The following PRELID2 variants were observed in gnomAD, a reference collection of about 807,000 sequenced individuals.
The protein encoded by PRELID2 is PRELI domain-containing protein 2.
In PRELID2, 25 loss-of-function variants were observed where a neutral mutation model predicts 28.4. The ratio of observed to expected loss-of-function variants is 0.88; its 90% CI spans 0.64 to 1.23. PRELID2 has a LOEUF of 1.23. Among genes scored for constraint, PRELID2 ranks in the 50% most tolerant of loss-of-function variants. The pLI is 0.00. For synonymous variants in PRELID2, 76 were observed against 71.6 expected, an observed-to-expected ratio of 1.06 and a Z score of -0.31; for missense variants, 201 against 214.4, an observed-to-expected ratio of 0.94 and a Z score of 0.39.
chr5:145,599,487 A>G (rs1753357825), intron 1 of PRELID2, among the ~76,000 whole-genome samples: 1 of 152,106 alleles, frequency 6.6e-6, no homozygotes, highest in Admixed American at 6.5e-5. Flanking sequence ...CCAACTTCCT[A>G]TCTCGGCCAA....
chr5:145,664,085 T>C (rs1754543279), intron 1 of PRELID2, among the ~76,000 whole-genome samples: 1 of 152,140 alleles, frequency 6.6e-6, no homozygotes, highest in Non-Finnish European at 1.5e-5. Flanking sequence ...TACTACTTCA[T>C]TTGTAAAATG....
chr5:145,807,863 G>C (rs998795731), intron 4 of PRELID2, among the ~76,000 whole-genome samples: 1 of 152,076 alleles, frequency 6.6e-6, no homozygotes, highest in African/African-American at 2.4e-5. Context: ...GGTAAACTGT[G>C]ACCTCAGTGC....
chr5:145,684,590 C>G (rs549087015), intron 1 of PRELID2, among the ~76,000 whole-genome samples: 2 of 152,310 alleles, frequency 1.3e-5, no homozygotes, highest in South Asian at 4.1e-4. Flanking sequence ...TATTATTTCA[C>G]AGATGAGAAA....
At position 145,688,554 on chromosome 5, in the gene PRELID2, G is replaced by A. The variant is rs1164917252; in HGVS notation, n.70+76377C>T. ...GCAAGTACAGCATACCACAGGAAAGGGGGAGAAGCCAAAAAAGGTTTGGGA... is the reference window on the plus strand; with the variant it reads ...GCAAGTACAGCATACCACAGGAAAGAGGGAGAAGCCAAAAAAGGTTTGGGA... On this transcript the variant is annotated intron_variant and non_coding_transcript_variant, in intron 1 of 2. Transcript: ENST00000510259. Among the ~76,000 whole-genome samples the A allele has an allele frequency of 2.6e-5, 4 of 152,144 alleles. No homozygotes were observed. In the East Asian group the frequency reaches 7.7e-4, roughly 29 times the overall value.
intron 1 of PRELID2, among the ~76,000 whole-genome samples, chr5:145,705,003 C>T (rs559953933): frequency 1.8e-4 from 27 of 152,156 alleles, no homozygotes; most frequent in South Asian, 6.2e-4. Context: ...TAAAGTCAGT[C>T]TTTCTCAATT....
chr5:145,722,172 G>A (rs1207775045), intron 1 of PRELID2, among the ~76,000 whole-genome samples: 1 of 151,982 alleles, frequency 6.6e-6, no homozygotes, highest in African/African-American at 2.4e-5. Context: ...TTACAAAATT[G>A]ATCAAGTATT....
the PRELID2 span, among the ~76,000 whole-genome samples, chr5:145,234,224 C>A: frequency 1.3e-5 from 2 of 152,108 alleles, no homozygotes; most frequent in Non-Finnish European, 2.9e-5. Context: ...TATACTAATT[C>A]TTAGCAATAT....
At chr5:145,531,682 C>T (rs1164834213) in intron 1 of PRELID2, among the ~76,000 whole-genome samples, 1 of 152,126 alleles carries the variant, frequency 6.6e-6, no homozygotes, top group Admixed American at 6.5e-5. Flanking sequence ...GGCCTCTCTG[C>T]TGGGTTTGAA....
At chr5:145,818,110 G>A in intron 3 of PRELID2, 56 bp from the exon 4 acceptor site, 1 of 1,556,356 alleles carries the variant, frequency 6.4e-7, no homozygotes, top group Non-Finnish European at 8.8e-7. Context: ...GCAACATAAT[G>A]ACTGCATCCA....
At chr5:145,793,193 A>G (rs750319730) in intron 5 of PRELID2, among the ~76,000 whole-genome samples, 3 of 152,134 alleles carry the variant, frequency 2.0e-5, no homozygotes, top group Non-Finnish European at 4.4e-5. Context: ...GAAAAAAGCA[A>G]TTGAGCCAGT....
At chr5:145,419,575 T>A in the PRELID2 span, among the ~76,000 whole-genome samples, 8 of 142,810 alleles carry the variant, frequency 5.6e-5, no homozygotes, top group Non-Finnish European at 9.3e-5. Flanking sequence ...TTTGATGGGG[T>A]TGTTTGTTTT....
At chr5:145,729,192 C>T (rs1049158714) in intron 1 of PRELID2, 2 of 709,448 alleles carry the variant, frequency 2.8e-6, no homozygotes, top group East Asian at 2.7e-5. Flanking sequence ...ATCAGTGATG[C>T]TCTGGGTTTC....
chr5:145,322,272 A>G, the PRELID2 span, among the ~76,000 whole-genome samples: 1 of 152,216 alleles, frequency 6.6e-6, no homozygotes, highest in East Asian at 1.9e-4. Flanking sequence ...TCCCTCTTAT[A>G]TAGAGATACT....
chr5:145,768,285 A>T (rs1303755665), intron 5 of PRELID2, among the ~76,000 whole-genome samples: 2 of 151,758 alleles, frequency 1.3e-5, no homozygotes, highest in Non-Finnish European at 2.9e-5. Context: ...GGACGAAACA[A>T]CCAGTGAAAT....
chr5:145,422,415 T>C, the PRELID2 span, among the ~76,000 whole-genome samples: 2 of 152,228 alleles, frequency 1.3e-5, no homozygotes, highest in Non-Finnish European at 2.9e-5. Flanking sequence ...ATCTTGGTGC[T>C]CCTGTATTGG....
intron 1 of PRELID2, among the ~76,000 whole-genome samples, chr5:145,557,594 G>A (rs919523651): frequency 6.6e-6 from 1 of 152,208 alleles, no homozygotes; most frequent in Non-Finnish European, 1.5e-5. Context: ...GCCGCTGGTG[G>A]AGCAAGATGA....
At chr5:145,399,207 G>A in the PRELID2 span, among the ~76,000 whole-genome samples, 1 of 152,118 alleles carries the variant, frequency 6.6e-6, no homozygotes, top group African/African-American at 2.4e-5. Flanking sequence ...AGGATAGTCT[G>A]TGGAGCCCTC....
chr5:145,407,772 A>C, the PRELID2 span, among the ~76,000 whole-genome samples: 1 of 152,154 alleles, frequency 6.6e-6, no homozygotes, highest in African/African-American at 2.4e-5. Context: ...AATTCCACCA[A>C]CAACAACTGG....
the PRELID2 span, among the ~76,000 whole-genome samples, chr5:145,432,621 T>C: frequency 2.0e-5 from 3 of 152,008 alleles, no homozygotes; most frequent in South Asian, 2.1e-4. Context: ...AGGCATAACA[T>C]AGAGAAACTG....
Sources: gnomAD v4.1 joint callset for allele counts (sites outside exome capture counted in the v4.1 genomes callset) on GRCh38, gnomAD v4.1.1 for gene constraint, MANE v1.5 for transcripts, NCBI Gene and HGNC (gene_info 2026-07-23, HGNC 2026-07-21) for gene names.